Variants in ASPH observed in about 807,000 individuals in gnomAD.
The protein encoded by ASPH is aspartyl/asparaginyl beta-hydroxylase.
Under a neutral mutation model 118.4 loss-of-function variants are expected in ASPH, and 100 were observed. The observed-to-expected ratio is 0.84, with a 90% CI of 0.72 to 1.00. The LOEUF (loss-of-function observed/expected upper bound fraction) is 1.00, where lower values mean the gene tolerates loss of function less well. Among genes scored for constraint, ASPH ranks in the 50% least tolerant of loss-of-function variants. ASPH has a pLI of 0.00. For synonymous variants in ASPH, 315 were observed against 325.6 expected (o/e 0.97, Z 0.35); for missense variants, 920 against 919.5 (o/e 1.00, Z -0.01).
At chr8:61,528,394 A>C (rs1816291666) in intron 21 of ASPH, among the ~76,000 whole-genome samples, 1 of 152,198 alleles carries the variant, frequency 6.6e-6, no homozygotes, top group South Asian at 2.1e-4. Flanking sequence ...TCACTTGTTT[A>C]AGTTGCTAGA....
At chr8:61,690,904 C>T (rs1275299445) in intron 1 of ASPH, among the ~76,000 whole-genome samples, 2 of 151,906 alleles carry the variant, frequency 1.3e-5, no homozygotes, top group African/African-American at 2.4e-5. Flanking sequence ...AAATTAAATC[C>T]GTCTGAGAGT....
At chr8:61,619,045 A>C (rs1382704999) in intron 13 of ASPH, 26 bp from the exon 14 acceptor site, 2 of 1,533,318 alleles carry the variant, frequency 1.3e-6, no homozygotes, top group African/African-American at 2.7e-5. Flanking sequence ...AAAACATAGT[A>C]AGTACTATGC....
At chr8:61,559,688 T>C (rs567277250) in intron 18 of ASPH, among the ~76,000 whole-genome samples, 1 of 152,358 alleles carries the variant, frequency 6.6e-6, no homozygotes, top group African/African-American at 2.4e-5. Context: ...TCTTAAAAAT[T>C]GTTTTGGGGT....
chr8:61,568,771 G>C (rs1038396543), intron 16 of ASPH, among the ~76,000 whole-genome samples: 3 of 152,084 alleles, frequency 2.0e-5, no homozygotes, highest in Admixed American at 6.5e-5. Flanking sequence ...GATAACAAGG[G>C]AGGAGCAGCA....
intron 21 of ASPH, among the ~76,000 whole-genome samples, chr8:61,543,629 G>T (rs1256127663): frequency 6.6e-6 from 1 of 152,126 alleles, no homozygotes; most frequent in Non-Finnish European, 1.5e-5. Context: ...CCCCTCACAG[G>T]CAGTTTCTAT....
intron 15 of ASPH, among the ~76,000 whole-genome samples, chr8:61,582,450 T>C (rs1837872604): frequency 6.6e-6 from 1 of 152,192 alleles, no homozygotes; most frequent in Admixed American, 6.5e-5. Context: ...TTCAATTCTA[T>C]TAAGAAATAC....
At position 61,579,909 on chromosome 8, in the gene ASPH, C is replaced by CAA. The variant is rs35492301; in HGVS notation, c.1063-3053_1063-3052dup. Among the ~76,000 whole-genome samples the CAA allele has an allele frequency of 2.9e-3, 141 of 49,412 alleles. 1 individual carries two copies. The highest frequency in any genetic ancestry group is 0.011 in the East Asian group (24 of 2,200). 32.4% of individuals were successfully genotyped at this position (49,412 alleles called of 152,430 possible). ...AAACCTCAGCTAGCTCTGCCAATGT[C>CAA]AAAAAAAAAAAAAAAAAAAAAAATG... is the stretch of plus-strand genomic sequence containing the variant. On this transcript the variant is annotated intron_variant, in intron 15 of 24. Coordinates refer to ENST00000379454, the MANE Select transcript of ASPH (RefSeq NM_004318.4).
chr8:61,541,134 T>C (rs1586781991), intron 21 of ASPH, among the ~76,000 whole-genome samples: 1 of 151,928 alleles, frequency 6.6e-6, no homozygotes, highest in East Asian at 1.9e-4. Flanking sequence ...AATATAATGG[T>C]TTTGTATTTT....
At chr8:61,619,044 T>C in intron 13 of ASPH, 25 bp from the exon 14 acceptor site, 3 of 1,537,214 alleles carry the variant, frequency 2.0e-6, no homozygotes, top group Non-Finnish European at 2.7e-6. Flanking sequence ...CAAAACATAG[T>C]AAGTACTATG....
intron 14 of ASPH, among the ~76,000 whole-genome samples, chr8:61,590,372 T>C (rs995151091): frequency 1.3e-5 from 2 of 151,974 alleles, no homozygotes; most frequent in Admixed American, 1.3e-4. Context: ...AGAACTGGGT[T>C]TTTGAAAACA....
chr8:61,598,896 A>C (rs747831148), intron 14 of ASPH, among the ~76,000 whole-genome samples: 6 of 152,232 alleles, frequency 3.9e-5, no homozygotes, highest in Non-Finnish European at 7.3e-5. Context: ...CTGAATGGCC[A>C]CTGAGTCAAT....
chr8:61,589,480 A>G (rs1260543821), intron 14 of ASPH, among the ~76,000 whole-genome samples: 1 of 152,238 alleles, frequency 6.6e-6, no homozygotes, highest in African/African-American at 2.4e-5. Context: ...ACAAAAAGGA[A>G]AAAACCCAAC....
chr8:61,592,026 C>T (rs1841287179), intron 14 of ASPH, among the ~76,000 whole-genome samples: 1 of 152,232 alleles, frequency 6.6e-6, no homozygotes, highest in South Asian at 2.1e-4. Flanking sequence ...AGACATTACA[C>T]AGACACATCC....
At chr8:61,615,085 CT>C (rs1848601368) in intron 14 of ASPH, among the ~76,000 whole-genome samples, 1 of 152,194 alleles carries the variant, frequency 6.6e-6, no homozygotes, top group Non-Finnish European at 1.5e-5. Context: ...TACACAAGTT[CT>C]TACTTTTGTC....
intron 15 of ASPH, chr8:61,579,426 A>C: frequency 6.2e-7 from 1 of 1,612,618 alleles, no homozygotes; most frequent in South Asian, 1.1e-5. Flanking sequence ...GAGCCGGCTG[A>C]AGTCTGGGAT....
At chr8:61,703,509 C>T (rs868127444) in intron 1 of ASPH, among the ~76,000 whole-genome samples, 2 of 151,978 alleles carry the variant, frequency 1.3e-5, no homozygotes, top group African/African-American at 2.4e-5. Context: ...TTTAAAAATA[C>T]GATTTCTAAT....
intron 15 of ASPH, among the ~76,000 whole-genome samples, chr8:61,580,268 G>C (rs1396623052): frequency 2.0e-5 from 3 of 152,346 alleles, no homozygotes; most frequent in South Asian, 2.1e-4. Context: ...CAGTGCCCCA[G>C]TGGGGACTCT....
chr8:61,668,137 T>C (rs576611272), intron 3 of ASPH: 1 of 1,232,776 alleles, frequency 8.1e-7, no homozygotes, highest in South Asian at 1.3e-5. Flanking sequence ...CAATAGTGTT[T>C]AGCATTAGTA....
intron 16 of ASPH, among the ~76,000 whole-genome samples, chr8:61,567,795 T>C (rs1832236441): frequency 6.6e-6 from 1 of 152,182 alleles, no homozygotes; most frequent in African/African-American, 2.4e-5. Flanking sequence ...GTGGCAAATA[T>C]AATAAACAAA....
Sources: gnomAD v4.1 joint callset for allele counts (sites outside exome capture counted in the v4.1 genomes callset) on GRCh38, gnomAD v4.1.1 for gene constraint, MANE v1.5 for transcripts, NCBI Gene and HGNC (gene_info 2026-07-23, HGNC 2026-07-21) for gene names.